PSMD1: variants seen among roughly 807,000 people sequenced by gnomAD.
PSMD1 encodes proteasome 26S subunit, non-ATPase 1.
In PSMD1, 18 loss-of-function variants were observed where a neutral mutation model predicts 119.0. That is an observed-to-expected ratio of 0.15 (90% CI 0.10 to 0.22). The LOEUF is 0.22. PSMD1 is among the 10% of genes least tolerant of loss of function. The pLI, the probability that PSMD1 is intolerant of heterozygous loss-of-function variation, is 1.00. For synonymous variants in PSMD1, 374 were observed against 396.6 expected (o/e 0.94, Z 0.68); for missense variants, 702 against 1,158.5 (o/e 0.61, Z 5.72).
intron 16 of PSMD1, among the ~76,000 whole-genome samples, chr2:231,119,743 C>T (rs1386515824): frequency 4.6e-5 from 7 of 151,416 alleles, no homozygotes; most frequent in African/African-American, 1.5e-4. Context: ...TGGTGGCCTG[C>T]GCCTGTAGTC....
chr2:231,155,323 G>T (rs1231932763), intron 19 of PSMD1, among the ~76,000 whole-genome samples: 1 of 152,064 alleles, frequency 6.6e-6, no homozygotes, highest in African/African-American at 2.4e-5. Flanking sequence ...AGTCAACTAG[G>T]AATGTGTGTA....
Position 231,083,646 on chromosome 2 carries a change from T to C in PSMD1, c.1605T>C (p.Tyr535=), listed in dbSNP as rs140092851. Residue 535 remains tyrosine, a synonymous_variant, in exon 14 of 25, where the codon TAT becomes TAC. Transcript: ENST00000308696. ...NAQAIEDMVG[Y]AQETQHEKIL... ...AGGCTATTGAGGACATGGTTGGTTA[T>C]GCACAAGAAACTCAACATGAGAAGA... 5.0e-5 allele frequency: 81 copies of C among 1,614,238 alleles called. No individual in the cohort carries two copies. The highest frequency in any genetic ancestry group is 6.7e-5 in the Admixed American group (4 of 60,036).
intron 16 of PSMD1, chr2:231,108,556 A>G: frequency 6.2e-7 from 1 of 1,613,838 alleles, no homozygotes; most frequent in Non-Finnish European, 8.5e-7. Context: ...TGTCACCTTC[A>G]TTTTCAGTGA....
chr2:231,152,652 A>T (rs1170794515), intron 18 of PSMD1, among the ~76,000 whole-genome samples: 1 of 152,214 alleles, frequency 6.6e-6, no homozygotes, highest in Non-Finnish European at 1.5e-5. Context: ...TTCTGAAAGA[A>T]TATGTAATGC....
chr2:231,059,478 C>G (rs887557017), intron 1 of PSMD1, among the ~76,000 whole-genome samples: 7 of 152,156 alleles, frequency 4.6e-5, no homozygotes, highest in Admixed American at 1.3e-4. Context: ...AGAGGTTTGA[C>G]TATGCAGGGG....
intron 16 of PSMD1, among the ~76,000 whole-genome samples, chr2:231,113,111 C>G (rs897833371): frequency 1.3e-5 from 2 of 152,128 alleles, no homozygotes; most frequent in African/African-American, 4.8e-5. Context: ...CAGCAGTGAA[C>G]CATGATTGTG....
chr2:231,136,744 A>G (rs1368766854), intron 16 of PSMD1, among the ~76,000 whole-genome samples: 4 of 151,894 alleles, frequency 2.6e-5, no homozygotes, highest in Admixed American at 1.3e-4. Flanking sequence ...TTGCTGACTT[A>G]CTTTCCTTAT....
intron 10 of PSMD1, 151 bp downstream of exon 10, chr2:231,078,898 G>A (rs537736759): frequency 8.4e-5 from 46 of 544,624 alleles, no homozygotes; most frequent in Admixed American, 5.7e-4. Context: ...GGGTTCAGGC[G>A]ATTCTCCTGC....
At chr2:231,066,427 A>G (rs1693912091) in intron 4 of PSMD1, among the ~76,000 whole-genome samples, 3 of 152,238 alleles carry the variant, frequency 2.0e-5, no homozygotes, top group Admixed American at 2.0e-4. Flanking sequence ...AGTAATGGCA[A>G]ATGTTTGTTT....
intron 24 of PSMD1, among the ~76,000 whole-genome samples, chr2:231,172,315 G>T (rs575078492): frequency 2.3e-4 from 35 of 152,280 alleles, no homozygotes; most frequent in Admixed American, 1.6e-3. Flanking sequence ...TTTATAGCTG[G>T]AAACTGGAAT....
chr2:231,141,562 G>T (rs1188541805), intron 17 of PSMD1, among the ~76,000 whole-genome samples: 1 of 150,304 alleles, frequency 6.7e-6, no homozygotes, highest in Non-Finnish European at 1.5e-5. Context: ...GACTGCAAAC[G>T]CATACCACCA....
intron 16 of PSMD1, 81 bp downstream of exon 16, chr2:231,087,262 G>T: frequency 8.3e-7 from 1 of 1,207,048 alleles, no homozygotes; most frequent in Non-Finnish European, 1.2e-6. Context: ...CTACCAAACA[G>T]TTTAGTCACT....
intron 18 of PSMD1, among the ~76,000 whole-genome samples, chr2:231,149,625 TCTC>T (rs1696328550): frequency 1.3e-5 from 2 of 152,250 alleles, no homozygotes; most frequent in South Asian, 2.1e-4. Context: ...CAGGAAAGCT[TCTC>T]CTATCATTGA....
At chr2:231,164,747 G>GT (rs1175353984) in intron 21 of PSMD1, among the ~76,000 whole-genome samples, 1 of 151,916 alleles carries the variant, frequency 6.6e-6, no homozygotes, top group Non-Finnish European at 1.5e-5. Flanking sequence ...TATTAGCATT[G>GT]TAAGACATAT....
chr2:231,099,256 T>C (rs1181321565), intron 16 of PSMD1, among the ~76,000 whole-genome samples: 1 of 152,192 alleles, frequency 6.6e-6, no homozygotes, highest in East Asian at 1.9e-4. Context: ...CTTCCCTATT[T>C]GTTTTTAAAG....
intron 16 of PSMD1, chr2:231,114,016 CTT>C (rs1695249827): frequency 9.5e-7 from 1 of 1,047,876 alleles, no homozygotes; most frequent in Non-Finnish European, 1.5e-6. Context: ...CATCTTTTGT[CTT>C]TTTTGTTACT....
At chr2:231,064,958 A>G (rs947056015) in intron 4 of PSMD1, among the ~76,000 whole-genome samples, 3 of 151,284 alleles carry the variant, frequency 2.0e-5, no homozygotes, top group Admixed American at 6.6e-5. Context: ...CACTGACCCA[A>G]CCCACTATGT....
At chr2:231,123,853 T>C in intron 16 of PSMD1, 1 of 1,068,564 alleles carries the variant, frequency 9.4e-7, no homozygotes, top group South Asian at 1.3e-5. Flanking sequence ...TAAGGCATTG[T>C]AACCATGCCA....
At chr2:231,152,990 T>A (rs766296113) in intron 18 of PSMD1, among the ~76,000 whole-genome samples, 3 of 152,202 alleles carry the variant, frequency 2.0e-5, no homozygotes, top group African/African-American at 7.2e-5. Context: ...CCACCTTAAG[T>A]GAGTCAGCAC....
Sources: allele counts gnomAD v4.1 joint callset (sites outside exome capture counted in the v4.1 genomes callset), GRCh38; gene constraint gnomAD v4.1.1; transcripts MANE v1.5; gene names NCBI Gene and HGNC (gene_info 2026-07-23, HGNC 2026-07-21).